The following ATP9B variants were observed in gnomAD, a reference collection of about 807,000 sequenced individuals.
ATP9B encodes probable phospholipid-transporting ATPase IIB.
Under a neutral mutation model 146.1 loss-of-function variants are expected in ATP9B, and 110 were observed. The ratio of observed to expected loss-of-function variants is 0.75; its 90% CI spans 0.65 to 0.88. ATP9B has a LOEUF of 0.88. Among genes scored for constraint, ATP9B ranks in the 40% least tolerant of loss-of-function variants. ATP9B has a pLI of 0.00. For missense variants in ATP9B, 1,499 were observed against 1,496.4 expected, an observed-to-expected ratio of 1.00 and a Z score of -0.03; for synonymous variants, 604 against 569.7, an observed-to-expected ratio of 1.06 and a Z score of -0.86.
At chr18:79,209,670 C>T (rs2095566160) in intron 10 of ATP9B, 1 of 985,214 alleles carries the variant, frequency 1.0e-6, no homozygotes, top group African/African-American at 1.7e-5. Flanking sequence ...TTGTGTCTTC[C>T]TAGTGGGCAT....
intron 14 of ATP9B, among the ~76,000 whole-genome samples, chr18:79,305,130 C>T (rs1339874556): frequency 3.3e-5 from 5 of 152,222 alleles, no homozygotes; most frequent in Non-Finnish European, 5.9e-5. Flanking sequence ...CACCTGGCGA[C>T]GTCAGCTGTG....
At chr18:79,192,457 A>G (rs1013356541) in intron 8 of ATP9B, among the ~76,000 whole-genome samples, 5 of 152,196 alleles carry the variant, frequency 3.3e-5, no homozygotes, top group Admixed American at 6.5e-5. Context: ...CATACAGCAG[A>G]GTCAGCAGCG....
At chr18:79,308,657 AGGTAGAAGGT>A in intron 15 of ATP9B, among the ~76,000 whole-genome samples, 1 of 116,400 alleles carries the variant, frequency 8.6e-6, no homozygotes, top group Non-Finnish European at 1.9e-5. Context: ...GATCCCCAGT[AGGTAGAAGGT>A]CAGGGGTGGT....
intron 15 of ATP9B, among the ~76,000 whole-genome samples, chr18:79,314,689 T>C (rs886934320): frequency 1.3e-5 from 2 of 152,284 alleles, no homozygotes; most frequent in Non-Finnish European, 2.9e-5. Flanking sequence ...TAGAAAGTTC[T>C]GCTTGCCTAT....
At position 79,347,881 on chromosome 18, in the gene ATP9B, G is replaced by T; in HGVS notation, c.2794G>T (p.Gly932Cys). The T allele has an allele frequency of 6.2e-7, 1 of 1,613,674 alleles. No homozygotes were observed. The highest frequency in any genetic ancestry group is 8.5e-7 in the Non-Finnish European group (1 of 1,179,894). Residue 932 changes from glycine (G) to cysteine (C), a missense_variant, in exon 24 of 30, where the codon GGC becomes TGC. Gly to Cys is a radical substitution (Grantham distance 159, BLOSUM62 -3). Coordinates refer to ENST00000426216, the MANE Select transcript of ATP9B (RefSeq NM_198531.5). Reference sequence around the variant, plus strand: ...CAGCTACAAGAGGTCGGCGGCACTCGGCCAGTTCGTCATGCACAGGGGCCT... The same window carrying T: ...CAGCTACAAGAGGTCGGCGGCACTCTGCCAGTTCGTCATGCACAGGGGCCT... ...RNSYKRSAALGQFVMHRGLII... is the reference protein window; with the variant it reads ...RNSYKRSAALCQFVMHRGLII...
At chr18:79,132,160 T>TA (rs1443197915) in intron 5 of ATP9B, among the ~76,000 whole-genome samples, 2 of 86,292 alleles carry the variant, frequency 2.3e-5, no homozygotes, top group African/African-American at 7.8e-5. Flanking sequence ...CTTCTGCTGT[T>TA]ACGTCTTTTG....
chr18:79,198,510 A>G (rs2095437167), intron 9 of ATP9B, among the ~76,000 whole-genome samples: 1 of 152,198 alleles, frequency 6.6e-6, no homozygotes, highest in Non-Finnish European at 1.5e-5. Context: ...CTGAGAAGTA[A>G]GTTAGACCAT....
intron 1 of ATP9B, among the ~76,000 whole-genome samples, chr18:79,081,417 C>T (rs2073246865): frequency 6.6e-6 from 1 of 151,894 alleles, no homozygotes; most frequent in African/African-American, 2.4e-5. Context: ...TTATAGTATT[C>T]TCTGATGGTA....
intron 26 of ATP9B, among the ~76,000 whole-genome samples, chr18:79,368,367 C>T (rs931048297): frequency 2.0e-5 from 3 of 152,180 alleles, no homozygotes; most frequent in Admixed American, 1.3e-4. Flanking sequence ...CCCCATCCCT[C>T]GGCAACAGAT....
In ATP9B at chr18:79,216,451, G is replaced by A. The variant is rs565932659; in HGVS notation, c.1107+2413G>A. On this transcript the variant is annotated intron_variant, in intron 11 of 29. Coordinates refer to ENST00000426216, the MANE Select transcript of ATP9B (RefSeq NM_198531.5). The stretch of plus-strand genomic sequence containing the variant: ...GGAACAAGGTCATGCTCATGCACAC[G>A]TTGCTCTTAGGAAAGTACTTGCTAC... 9.8e-5 allele frequency among the ~76,000 whole-genome samples: 15 copies of A among 152,296 alleles called. No homozygotes were observed. The South Asian group carries it at 3.1e-3, about 32-fold the overall frequency.
intron 14 of ATP9B, among the ~76,000 whole-genome samples, chr18:79,305,018 C>T (rs1379367678): frequency 6.6e-6 from 1 of 151,710 alleles, no homozygotes. Context: ...CGGCACTGCT[C>T]CCCGGACTTG....
At chr18:79,209,087 A>C (rs2095560611) in intron 10 of ATP9B, among the ~76,000 whole-genome samples, 1 of 152,198 alleles carries the variant, frequency 6.6e-6, no homozygotes, top group Non-Finnish European at 1.5e-5. Flanking sequence ...CCTCACGCTG[A>C]ATGGCTGCAC....
intron 15 of ATP9B, among the ~76,000 whole-genome samples, chr18:79,320,854 C>CT (rs1263375490): frequency 6.6e-6 from 1 of 151,674 alleles, no homozygotes; most frequent in Non-Finnish European, 1.5e-5. Context: ...CCTTGGGATG[C>CT]TGTGGGTTTT....
At position 79,320,452 on chromosome 18, in the gene ATP9B, C is replaced by T. The variant is rs979964648; in HGVS notation, c.1774-8689C>T. Among the ~76,000 whole-genome samples the T allele has an allele frequency of 4.0e-4, 61 of 152,316 alleles. No homozygotes were observed. The Middle Eastern group carries it at 0.014, about 34-fold the overall frequency. ...GGAGGGCCTGGCTGCGCGGCCGGCA[C>T]TCCACACACACCAGGGGCATGAGAG... is the stretch of plus-strand genomic sequence containing the variant. On this transcript the variant is annotated intron_variant, in intron 15 of 29. Transcript: ENST00000426216.
intron 9 of ATP9B, among the ~76,000 whole-genome samples, chr18:79,201,925 G>A (rs529658898): frequency 1.2e-4 from 19 of 152,172 alleles, no homozygotes; most frequent in Admixed American, 2.0e-4. Context: ...GCTGGAGCAC[G>A]CCTGTAGCCT....
At chr18:79,303,758 T>C in intron 14 of ATP9B, 42 bp downstream of exon 14, 1 of 1,449,770 alleles carries the variant, frequency 6.9e-7, no homozygotes, top group Non-Finnish European at 9.6e-7. Context: ...TCCACACACA[T>C]CCCGCGCCAT....
intron 19 of ATP9B, among the ~76,000 whole-genome samples, chr18:79,337,790 G>A (rs1023117189): frequency 6.6e-6 from 1 of 152,212 alleles, no homozygotes; most frequent in Admixed American, 6.5e-5. Flanking sequence ...AGGACGCATG[G>A]AGCCAGTGCC....
intron 11 of ATP9B, among the ~76,000 whole-genome samples, 153 bp downstream of exon 11, chr18:79,214,191 G>A (rs1017064111): frequency 3.9e-5 from 6 of 152,066 alleles, no homozygotes; most frequent in Admixed American, 1.3e-4. Context: ...TGAATTCTCC[G>A]TATTTATATA....
intron 1 of ATP9B, among the ~76,000 whole-genome samples, chr18:79,082,438 G>T (rs955873500): frequency 2.6e-5 from 4 of 152,168 alleles, no homozygotes; most frequent in African/African-American, 9.7e-5. Context: ...GTCCAGTTTT[G>T]TTCTCTTGCA....
Sources: allele counts gnomAD v4.1 joint callset (sites outside exome capture counted in the v4.1 genomes callset), GRCh38; gene constraint gnomAD v4.1.1; transcripts MANE v1.5; gene names NCBI Gene and HGNC (gene_info 2026-07-23, HGNC 2026-07-21).